UMPS: variants seen among roughly 807,000 people sequenced by gnomAD.
UMPS encodes uridine 5'-monophosphate synthase.
UMPS carries 21 observed loss-of-function variants against 38.9 expected under a neutral mutation model. That is an observed-to-expected ratio of 0.54 (90% confidence interval 0.38 to 0.78). UMPS has a LOEUF of 0.78. Ranked by LOEUF, UMPS falls within the 30% of genes least tolerant of loss-of-function variation. The probability of loss-of-function intolerance (pLI) is 0.00; values close to 1 mark genes in which losing one functional copy is unlikely to be tolerated. For missense variants in UMPS, 533 were observed against 591.6 expected (o/e 0.90, Z 1.03); for synonymous variants, 208 against 219.3 (o/e 0.95, Z 0.45).
rs906374318 is a variant in UMPS at position 124,742,185 on chromosome 3, G to T, written c.1192G>T (p.Val398Phe). The change falls in exon 5 of 6, where the codon GTT (valine) becomes TTT (phenylalanine). Residue 398 changes from valine to phenylalanine, a missense_variant. By Grantham distance (50) the Val-to-Phe change is conservative. Transcript: ENST00000232607. Reference sequence around the variant, plus strand: ...GGCTGAGGAGCACTCTGAATTTGTTGTTGGTTTTATTTCTGGCTCCCGAGT... The same window carrying T: ...GGCTGAGGAGCACTCTGAATTTGTTTTTGGTTTTATTTCTGGCTCCCGAGT... ...RMAEEHSEFV[V>F]GFISGSRVSM... is the part of the protein sequence containing the mutation. The T allele has an allele frequency of 6.2e-7, 1 of 1,613,752 alleles. No homozygotes were observed. The highest frequency in any genetic ancestry group is 8.5e-7 in the Non-Finnish European group (1 of 1,179,972).
chr3:124,741,299 C>T (rs989709433), intron 4 of UMPS, among the ~76,000 whole-genome samples: 1 of 151,830 alleles, frequency 6.6e-6, no homozygotes, highest in African/African-American at 2.4e-5. Context: ...TCTCAGGTCT[C>T]GAAGTACCGA....
At chr3:124,740,655 T>C (rs550558911) in intron 4 of UMPS, among the ~76,000 whole-genome samples, 2 of 152,240 alleles carry the variant, frequency 1.3e-5, no homozygotes, top group East Asian at 1.9e-4. Flanking sequence ...ATAATATTAC[T>C]TTAAAAAAAT....
At chr3:124,738,596 C>A in intron 3 of UMPS, 1 of 235,076 alleles carries the variant, frequency 4.3e-6, no homozygotes. Context: ...GGGATAATTT[C>A]CTTAAAGAAA....
In UMPS at chr3:124,744,808, TAC is replaced by T. The variant is rs199600358; in HGVS notation, c.*725_*726del. On this transcript the variant is annotated 3_prime_UTR_variant, in exon 6 of 6. Coordinates refer to ENST00000232607, the MANE Select transcript of UMPS (RefSeq NM_000373.4). ...TCTGTCTAATGTGTTGCCCAAATAA[TAC>T]CTAATTGTTAGCCATTCCCCTCCAT... 2.2e-6 allele frequency: 1 copy of T among 454,102 alleles called. No homozygotes were observed. The highest frequency in any genetic ancestry group is 4.4e-6 in the Non-Finnish European group (1 of 226,802). The allele number at this position is 454,102 out of a possible 1,614,324, so 28.1% of individuals were successfully genotyped here.
chr3:124,743,980 A>G lies in UMPS; in HGVS notation c.1339A>G (p.Ile447Val), dbSNP rs1278382088. The stretch of plus-strand genomic sequence containing the variant: ...TATTGGCAAACGAGGTTCCGATATC[A>G]TCATTGTAGGTCGTGGCATAATCTC... ...EVIGKRGSDI[I>V]IVGRGIISAA... The change falls in exon 6 of 6, where the codon ATC (isoleucine) becomes GTC (valine). Residue 447 changes from isoleucine (I) to valine (V), a missense_variant. Coordinates refer to ENST00000232607, the MANE Select transcript of UMPS (RefSeq NM_000373.4). The G allele has an allele frequency of 9.3e-6, 15 of 1,614,130 alleles. No homozygotes were observed. Among genetic ancestry groups the G allele is most frequent in the Non-Finnish European group, 1.3e-5 (15 of 1,180,046 alleles).
At chr3:124,740,733 G>A (rs902696029) in intron 4 of UMPS, among the ~76,000 whole-genome samples, 8 of 152,164 alleles carry the variant, frequency 5.3e-5, no homozygotes, top group Non-Finnish European at 8.8e-5. Context: ...CAAGGCGGGA[G>A]GATTGCTTGA....
At chr3:124,737,274 CCTCT>C (rs931383395) in intron 2 of UMPS, 5 of 309,470 alleles carry the variant, frequency 1.6e-5, no homozygotes, top group Admixed American at 4.8e-5. Flanking sequence ...AAAAAAAAAA[CCTCT>C]CTATTTGAAA....
chr3:124,738,901 T>G (rs1317575899), intron 3 of UMPS, among the ~76,000 whole-genome samples: 1 of 152,252 alleles, frequency 6.6e-6, no homozygotes, highest in East Asian at 1.9e-4. Flanking sequence ...AACTGTGTGA[T>G]CAGACTATAT....
In UMPS at chr3:124,740,241, T is replaced by C; in HGVS notation, c.1158+42T>C. ...CTGGGTGAGAGGGGGCAGGGGCTGC[T>C]ATGCTGCATGCTGCAAGAAGATATC... is the stretch of plus-strand genomic sequence containing the variant. On this transcript the variant is annotated intron_variant, in intron 4 of 5. Coordinates refer to ENST00000232607, the MANE Select transcript of UMPS (RefSeq NM_000373.4). 1.9e-6 allele frequency: 3 copies of C among 1,547,064 alleles called. No homozygotes were observed. The East Asian group carries it at 6.8e-5, about 35-fold the overall frequency.
Position 124,746,220 on chromosome 3 carries a change from T to A in UMPS, c.*2136T>A, listed in dbSNP as rs2150904101. On this transcript the variant is annotated 3_prime_UTR_variant, in exon 6 of 6. Coordinates refer to ENST00000232607, the MANE Select transcript of UMPS (RefSeq NM_000373.4). ...TTCACAGGACCCCTGCTAAGGTGATTTGAGGGGAAATGAGAGGAGGCTCAA... is the reference window on the plus strand; with the variant it reads ...TTCACAGGACCCCTGCTAAGGTGATATGAGGGGAAATGAGAGGAGGCTCAA... The A allele has an allele frequency of 2.2e-6, 1 of 454,100 alleles. No individual in the cohort carries two copies. The highest frequency in any genetic ancestry group is 1.6e-5 in the South Asian group (1 of 64,478). 28.1% of individuals were successfully genotyped at this position (454,100 alleles called of 1,614,324 possible). A position where few individuals can be genotyped will look rare whatever the true frequency, so the allele number is the denominator to read the frequency against.
At chr3:124,738,467 C>G in intron 3 of UMPS, 1 of 532,670 alleles carries the variant, frequency 1.9e-6, no homozygotes, top group Non-Finnish European at 3.4e-6. Context: ...GCATGCTCAC[C>G]CCAAACCAAT....
chr3:124,738,035 G>A lies in UMPS; in HGVS notation c.778G>A (p.Val260Ile), dbSNP rs1321944787. The change falls in exon 3 of 6, where the codon GTT becomes ATT. Residue 260 changes from valine (V) to isoleucine (I), a missense_variant. Transcript: ENST00000232607. ...GACCAATCTGTGTCTATCTGCTGAT[G>A]TTTCACTGGCCAGAGAGCTGTTGCA... ...KETNLCLSAD[V>I]SLARELLQLA... 5 of 1,614,224 alleles carry A rather than the reference G, an allele frequency of 3.1e-6. No individual in the cohort carries two copies. In the Admixed American group the frequency reaches 5.0e-5, roughly 16 times the overall value.
At chr3:124,740,729 G>A (rs569550536) in intron 4 of UMPS, among the ~76,000 whole-genome samples, 3 of 152,112 alleles carry the variant, frequency 2.0e-5, no homozygotes, top group Admixed American at 6.6e-5. Flanking sequence ...AGGCCAAGGC[G>A]GGAGGATTGC....
rs768769772 is a variant in UMPS, at chr3:124,747,785, C to T, written c.*3701C>T. The T allele has an allele frequency of 2.4e-4, 108 of 450,158 alleles. No homozygotes were observed. Among genetic ancestry groups the T allele is most frequent in the Non-Finnish European group, 4.0e-5 (9 of 223,480 alleles). The allele number at this position is 450,158 out of a possible 1,614,324, so 27.9% of individuals were successfully genotyped here. On this transcript the variant is annotated 3_prime_UTR_variant, in exon 6 of 6. Transcript: ENST00000232607. The stretch of plus-strand genomic sequence containing the variant: ...GGAACCAGTCTTCTGCCTTCCCAAC[C>T]ATCACCTCTGGCTGCATCAGCGATC...
In UMPS at chr3:124,746,747, C is replaced by T. The variant is rs751108434; in HGVS notation, c.*2663C>T. ...CTCGAGGCATTCTGTAGAACATAAG[C>T]CCATAGATTGTGTGTGTGTGTGTGT... On this transcript the variant is annotated 3_prime_UTR_variant, in exon 6 of 6. Transcript: ENST00000232607. 164 of 399,900 alleles carry T rather than the reference C, an allele frequency of 4.1e-4. 3 individuals are homozygous for T. The highest frequency in any genetic ancestry group is 2.1e-4 in the Non-Finnish European group (43 of 200,390). 24.8% of individuals were successfully genotyped at this position (399,900 alleles called of 1,614,324 possible). A position where few individuals can be genotyped will look rare whatever the true frequency, so the allele number is the denominator to read the frequency against.
chr3:124,738,419 T>C (rs1377165666), intron 3 of UMPS, 180 bp downstream of exon 3: 5 of 660,688 alleles, frequency 7.6e-6, no homozygotes, highest in Admixed American at 2.5e-5. Flanking sequence ...AGCTCTGCTT[T>C]CTTCTCTGTT....
chr3:124,743,743 T>A (rs986850035), intron 5 of UMPS, among the ~76,000 whole-genome samples, 172 bp from the exon 6 acceptor site: 5 of 152,370 alleles, frequency 3.3e-5, no homozygotes, highest in African/African-American at 1.2e-4. Flanking sequence ...GTCTCTGGCC[T>A]ACCCAGTGAG....
rs144643225 is a variant in UMPS, at chr3:124,743,938, A to T, written c.1297A>T (p.Asn433Tyr). 1.9e-5 allele frequency: 30 copies of T among 1,614,194 alleles called. No individual in the cohort carries two copies. The East Asian group carries it at 6.5e-4, about 35-fold the overall frequency. ...AGGAGATAATCTTGGCCAACAGTACAATAGCCCACAAGAAGTTATTGGCAA... is the reference window on the plus strand; with the variant it reads ...AGGAGATAATCTTGGCCAACAGTACTATAGCCCACAAGAAGTTATTGGCAA... ...AGGDNLGQQY[N>Y]SPQEVIGKRG... The change falls in exon 6 of 6, where the codon AAT (asparagine) becomes TAT (tyrosine). Residue 433 changes from asparagine to tyrosine, a missense_variant. By Grantham distance (143) the Asn-to-Tyr change is moderately radical (BLOSUM62 -2). Transcript: ENST00000232607.
intron 4 of UMPS, among the ~76,000 whole-genome samples, chr3:124,741,699 A>C: frequency 6.6e-6 from 1 of 152,216 alleles, no homozygotes; most frequent in Admixed American, 6.5e-5. Context: ...TATTAGAAAT[A>C]AGAAATTATG....
Sources: gnomAD v4.1 joint callset for allele counts (sites outside exome capture counted in the v4.1 genomes callset) on GRCh38, gnomAD v4.1.1 for gene constraint, MANE v1.5 for transcripts, NCBI Gene and HGNC (gene_info 2026-07-23, HGNC 2026-07-21) for gene names.